Variants in PEAK1 observed in about 807,000 individuals in gnomAD.
The protein encoded by PEAK1 is pseudopodium enriched atypical kinase 1, also known as inactive tyrosine-protein kinase PEAK1.
PEAK1 carries 54 observed loss-of-function variants against 124.7 expected under a neutral mutation model. That is an observed-to-expected ratio of 0.43 (90% CI 0.35 to 0.54). PEAK1 has a LOEUF of 0.54. Among genes scored for constraint, PEAK1 ranks in the 20% least tolerant of loss-of-function variants. The pLI is 0.01. For synonymous variants in PEAK1, 719 were observed against 760.0 expected (o/e 0.95, Z 0.89); for missense variants, 2,046 against 2,134.5 (o/e 0.96, Z 0.82).
rs1481825755 is a variant in PEAK1, at chr15:77,114,819, G to GT, written c.4577dup (p.His1526GlnfsTer25). On this transcript the variant is annotated frameshift_variant, in exon 10 of 10. Coordinates refer to ENST00000682557, the MANE Select transcript of PEAK1 (RefSeq NM_001385026.1). LOFTEE classifies it high-confidence loss of function. Reference sequence around the variant, plus strand: ...CTTGGGCAGTCCCCCCAGGCTGGTAGTGGACAAGTAGCAGGTTCTCTAGGC... The same window carrying GT: ...CTTGGGCAGTCCCCCCAGGCTGGTAGTTGGACAAGTAGCAGGTTCTCTAGGC... 1 of 1,613,382 alleles carries GT rather than the reference G, an allele frequency of 6.2e-7. No homozygotes were observed. The highest frequency in any genetic ancestry group is 8.5e-7 in the Non-Finnish European group (1 of 1,179,986).
intron 2 of PEAK1, chr15:77,336,414 G>A: frequency 1.0e-6 from 1 of 985,388 alleles, no homozygotes; most frequent in Non-Finnish European, 1.2e-6. Context: ...AGTCCCTTCT[G>A]AGTGAGGGGT....
At chr15:77,371,901 T>G (rs1183136496) in intron 1 of PEAK1, among the ~76,000 whole-genome samples, 1 of 152,096 alleles carries the variant, frequency 6.6e-6, no homozygotes, top group African/African-American at 2.4e-5. Context: ...TAAATAAAAC[T>G]AAAAACAAAA....
intron 2 of PEAK1, among the ~76,000 whole-genome samples, chr15:77,311,698 A>AAAG (rs2064468337): frequency 6.6e-6 from 1 of 151,088 alleles, no homozygotes; most frequent in Non-Finnish European, 1.5e-5. Flanking sequence ...AAAAAAAAAA[A>AAAG]AAAAAAAAGA....
At chr15:77,388,147 T>G (rs1409219986) in intron 1 of PEAK1, among the ~76,000 whole-genome samples, 1 of 152,120 alleles carries the variant, frequency 6.6e-6, no homozygotes, top group African/African-American at 2.4e-5. Context: ...TAAGTCATGA[T>G]AGCATCACTA....
chr15:77,420,288 T>G (rs1432437753), upstream of PEAK1: 3 of 147,926 alleles, frequency 2.0e-5, no homozygotes, highest in Non-Finnish European at 4.5e-5. Context: ...CGGGCCCCGG[T>G]CGTCTCCCAG....
At chr15:77,366,622 C>A (rs2068258623) in intron 1 of PEAK1, among the ~76,000 whole-genome samples, 1 of 152,066 alleles carries the variant, frequency 6.6e-6, no homozygotes, top group East Asian at 1.9e-4. Flanking sequence ...GTGGCGTGAT[C>A]ACAGCTCACT....
At chr15:77,229,723 A>G (rs2059826157) in intron 6 of PEAK1, among the ~76,000 whole-genome samples, 1 of 151,526 alleles carries the variant, frequency 6.6e-6, no homozygotes, top group Non-Finnish European at 1.5e-5. Context: ...TCTCGGCTCA[A>G]AGCAACCTCT....
intron 6 of PEAK1, among the ~76,000 whole-genome samples, chr15:77,213,240 T>C (rs1336694120): frequency 6.6e-6 from 1 of 152,074 alleles, no homozygotes; most frequent in Non-Finnish European, 1.5e-5. Context: ...ATGGTCCCTA[T>C]ACACAAAGAA....
intron 9 of PEAK1, among the ~76,000 whole-genome samples, chr15:77,128,236 T>C (rs1049813648): frequency 1.5e-4 from 23 of 152,122 alleles, no homozygotes; most frequent in Non-Finnish European, 3.1e-4. Flanking sequence ...AGCAAAGACA[T>C]TGCCAGTTTG....
In PEAK1 at chr15:77,108,969, A is replaced by G. The variant is rs1048111955; in HGVS notation, c.*5187T>C. The G allele has an allele frequency of 6.6e-6, 1 of 152,100 alleles. No individual in the cohort carries two copies. Among genetic ancestry groups the G allele is most frequent in the Non-Finnish European group, 1.5e-5 (1 of 68,036 alleles). The allele number at this position is 152,100 out of a possible 1,614,324, so 9.4% of individuals were successfully genotyped here. On this transcript the variant is annotated 3_prime_UTR_variant, in exon 10 of 10. Transcript: ENST00000682557. ...GCTTCTAGCAGTGGTTGATGCAAAA[A>G]TCTATTCTAATTTTAAACAGTTGCA...
rs78670662 is a variant in PEAK1 at position 77,384,185 on chromosome 15, T to C, written c.-665-18960A>G. On this transcript the variant is annotated intron_variant, in intron 1 of 9. Transcript: ENST00000682557. The stretch of plus-strand genomic sequence containing the variant: ...ACATAACCTAGCTAGATCTGAAATT[T>C]AGTGCAAAAAAAAAAAACAAGCTCA... 1.5e-4 allele frequency among the ~76,000 whole-genome samples: 23 copies of C among 150,032 alleles called. No individual in the cohort carries two copies. The East Asian group carries it at 4.4e-3, about 29-fold the overall frequency.
chr15:77,137,265 G>A (rs1490077385), intron 8 of PEAK1, among the ~76,000 whole-genome samples: 4 of 152,244 alleles, frequency 2.6e-5, no homozygotes, highest in African/African-American at 9.6e-5. Context: ...CCCACACAGA[G>A]TCCCTACTGA....
At chr15:77,303,076 C>T (rs185583075) in intron 2 of PEAK1, among the ~76,000 whole-genome samples, 1 of 152,232 alleles carries the variant, frequency 6.6e-6, no homozygotes, top group Admixed American at 6.5e-5. Flanking sequence ...AAGATTCATC[C>T]ATGTCTTTTC....
At chr15:77,406,108 T>C (rs1265861995) in intron 1 of PEAK1, among the ~76,000 whole-genome samples, 1 of 152,132 alleles carries the variant, frequency 6.6e-6, no homozygotes, top group Non-Finnish European at 1.5e-5. Flanking sequence ...ACTCTTAGAT[T>C]ATAATACATT....
chr15:77,200,062 T>C (rs2058288930), intron 6 of PEAK1, among the ~76,000 whole-genome samples: 1 of 152,212 alleles, frequency 6.6e-6, no homozygotes, highest in Admixed American at 6.5e-5. Context: ...GGCCTATCTT[T>C]CCTGCCTATT....
At chr15:77,417,963 C>A in intron 1 of PEAK1, 1 of 971,138 alleles carries the variant, frequency 1.0e-6, no homozygotes, top group Non-Finnish European at 1.2e-6. Context: ...CATAAATGTA[C>A]AAAGATAAAT....
intron 1 of PEAK1, among the ~76,000 whole-genome samples, chr15:77,407,197 G>T (rs1169264611): frequency 6.6e-6 from 1 of 152,162 alleles, no homozygotes; most frequent in Non-Finnish European, 1.5e-5. Flanking sequence ...AACCCTTCTA[G>T]ATATTGGCTT....
At chr15:77,101,159 T>A (rs920504260) in exon 7 of PEAK1, 2 of 152,180 alleles carry the variant, frequency 1.3e-5, no homozygotes, top group Admixed American at 1.3e-4. Context: ...CAATAAAGGG[T>A]CCAGGTTGTG....
At chr15:77,388,450 T>C (rs2070148071) in intron 1 of PEAK1, among the ~76,000 whole-genome samples, 1 of 152,156 alleles carries the variant, frequency 6.6e-6, no homozygotes, top group African/African-American at 2.4e-5. Flanking sequence ...CTGCCTCCTT[T>C]TCCCCTGCTT....
Sources: gnomAD v4.1 joint callset for allele counts (sites outside exome capture counted in the v4.1 genomes callset) on GRCh38, gnomAD v4.1.1 for gene constraint, MANE v1.5 for transcripts, NCBI Gene and HGNC (gene_info 2026-07-23, HGNC 2026-07-21) for gene names.